Variants in ERBB4 observed in about 807,000 individuals in gnomAD.
ERBB4 encodes receptor tyrosine-protein kinase erbB-4.
A neutral mutation model predicts 158.0 loss-of-function variants in ERBB4; 42 were observed. The observed-to-expected ratio is 0.27, with a 90% confidence interval of 0.21 to 0.34. ERBB4 has a LOEUF of 0.34. ERBB4 is among the 10% of genes least tolerant of loss of function. The pLI is 1.00. For missense variants in ERBB4, 1,333 were observed against 1,624.1 expected, an observed-to-expected ratio of 0.82 and a Z score of 3.08; for synonymous variants, 583 against 558.7, an observed-to-expected ratio of 1.04 and a Z score of -0.61.
intron 1 of ERBB4, among the ~76,000 whole-genome samples, chr2:212,510,070 A>G (rs979322660): frequency 6.6e-6 from 1 of 150,932 alleles, no homozygotes; most frequent in Non-Finnish European, 1.5e-5. Context: ...AAATGTATAC[A>G]CTAACATAAA....
At chr2:211,521,653 T>C (rs1473855566) in intron 20 of ERBB4, among the ~76,000 whole-genome samples, 1 of 152,210 alleles carries the variant, frequency 6.6e-6, no homozygotes, top group Non-Finnish European at 1.5e-5. Flanking sequence ...AGGATTTTTA[T>C]AGCCAGAGAG....
rs79982398 is a variant in ERBB4 at position 211,855,044 on chromosome 2, G to A, written c.422-66885C>T. Among the ~76,000 whole-genome samples, 755 of 151,942 alleles carry A rather than the reference G, an allele frequency of 5.0e-3. 3 individuals are homozygous for A. The highest frequency in any genetic ancestry group is 7.6e-3 in the Non-Finnish European group (516 of 67,934). ...TTCGTTACTTTAAGCCAGTCTGGTG[G>A]GCACATGAGGGTACTACACTCTTAC... On this transcript the variant is annotated intron_variant, in intron 3 of 27. Coordinates refer to ENST00000342788, the MANE Select transcript of ERBB4 (RefSeq NM_005235.3).
chr2:212,002,199 A>C (rs1240435390), intron 2 of ERBB4, among the ~76,000 whole-genome samples: 1 of 152,192 alleles, frequency 6.6e-6, no homozygotes, highest in Non-Finnish European at 1.5e-5. Context: ...TGATATTGGC[A>C]AAGCAAAATA....
chr2:212,530,757 C>CTG (rs1270279194), intron 1 of ERBB4, among the ~76,000 whole-genome samples: 1 of 152,152 alleles, frequency 6.6e-6, no homozygotes, highest in African/African-American at 2.4e-5. Context: ...GGATATCCAC[C>CTG]TATACTAGAA....
chr2:212,459,137 A>G (rs1688448812), intron 1 of ERBB4, among the ~76,000 whole-genome samples: 1 of 152,154 alleles, frequency 6.6e-6, no homozygotes, highest in Non-Finnish European at 1.5e-5. Flanking sequence ...TTTGGGTTTT[A>G]TATATAAGAA....
At chr2:212,021,078 A>G (rs1479421697) in intron 2 of ERBB4, among the ~76,000 whole-genome samples, 1 of 152,136 alleles carries the variant, frequency 6.6e-6, no homozygotes, top group African/African-American at 2.4e-5. Context: ...ATTATATAGC[A>G]CTTTCTTATA....
intron 20 of ERBB4, among the ~76,000 whole-genome samples, chr2:211,443,054 C>A (rs1169216521): frequency 2.0e-5 from 3 of 151,896 alleles, no homozygotes; most frequent in Non-Finnish European, 2.9e-5. Flanking sequence ...TTGATTTCCT[C>A]CTCTCCCTAC....
chr2:211,426,462 CT>C lies in ERBB4; in HGVS notation c.2719+1945del, dbSNP rs2063629747. 2.0e-5 allele frequency among the ~76,000 whole-genome samples: 3 copies of C among 152,196 alleles called. No individual in the cohort carries two copies. The South Asian group carries it at 6.2e-4, about 32-fold the overall frequency. ...ATATATCACAACATTTTTTAAATGC[CT>C]TATGAATATGGGTTGATGACCTGGG... On this transcript the variant is annotated intron_variant, in intron 22 of 27. Coordinates refer to ENST00000342788, the MANE Select transcript of ERBB4 (RefSeq NM_005235.3).
intron 2 of ERBB4, among the ~76,000 whole-genome samples, chr2:212,096,986 G>A (rs563239016): frequency 1.3e-5 from 2 of 152,024 alleles, no homozygotes; most frequent in Non-Finnish European, 2.9e-5. Flanking sequence ...GAAAAAACAT[G>A]GAAAACAATA....
At chr2:211,474,621 T>G (rs1209872210) in intron 20 of ERBB4, among the ~76,000 whole-genome samples, 1 of 152,124 alleles carries the variant, frequency 6.6e-6, no homozygotes, top group African/African-American at 2.4e-5. Context: ...GACAATGTAT[T>G]CAATTTCCAA....
chr2:211,811,770 T>C (rs950241632), intron 3 of ERBB4, among the ~76,000 whole-genome samples: 1 of 152,176 alleles, frequency 6.6e-6, no homozygotes, highest in Non-Finnish European at 1.5e-5. Flanking sequence ...TAATTTGATC[T>C]TCAAACACTG....
chr2:211,578,747 C>G (rs1431424106), intron 19 of ERBB4, among the ~76,000 whole-genome samples: 1 of 152,124 alleles, frequency 6.6e-6, no homozygotes, highest in Admixed American at 6.5e-5. Flanking sequence ...AACTGGCTAG[C>G]CATATGCAGA....
rs765538387 is a variant in ERBB4 at position 211,715,850 on chromosome 2, G to T, written c.884-2202C>A. ...TTGTTTATCAATTACCCAGTCTCAGGTATTTCTTTATAGCAGTGTAAGAAC... is the reference window on the plus strand; with the variant it reads ...TTGTTTATCAATTACCCAGTCTCAGTTATTTCTTTATAGCAGTGTAAGAAC... On this transcript the variant is annotated intron_variant, in intron 7 of 27. Coordinates refer to ENST00000342788, the MANE Select transcript of ERBB4 (RefSeq NM_005235.3). Among the ~76,000 whole-genome samples, 18 of 152,100 alleles carry T rather than the reference G, an allele frequency of 1.2e-4. 1 individual carries two copies. The highest frequency in any genetic ancestry group is 2.2e-4 in the Non-Finnish European group (15 of 68,030).
At chr2:212,195,444 T>A (rs979844732) in intron 1 of ERBB4, among the ~76,000 whole-genome samples, 42 of 151,990 alleles carry the variant, frequency 2.8e-4, no homozygotes, top group African/African-American at 8.7e-4. Flanking sequence ...GTATTATTTT[T>A]AAAACTATTT....
intron 3 of ERBB4, among the ~76,000 whole-genome samples, chr2:211,878,446 T>G (rs1297485664): frequency 6.6e-6 from 1 of 152,176 alleles, no homozygotes; most frequent in African/African-American, 2.4e-5. Context: ...TTTAGCATAG[T>G]GATGAATTTC....
chr2:211,987,939 A>C (rs2081979103), intron 2 of ERBB4, among the ~76,000 whole-genome samples: 1 of 152,174 alleles, frequency 6.6e-6, no homozygotes, highest in Non-Finnish European at 1.5e-5. Flanking sequence ...AAAGTTCAAC[A>C]TTTCTAAGAG....
At chr2:211,690,850 A>T (rs2072787104) in intron 12 of ERBB4, among the ~76,000 whole-genome samples, 1 of 152,214 alleles carries the variant, frequency 6.6e-6, no homozygotes, top group South Asian at 2.1e-4. Context: ...AACTTTAGCA[A>T]TGTAGTTATT....
At chr2:211,559,040 T>C (rs1209638775) in intron 20 of ERBB4, among the ~76,000 whole-genome samples, 2 of 152,170 alleles carry the variant, frequency 1.3e-5, no homozygotes, top group Non-Finnish European at 2.9e-5. Context: ...CTATAAACTT[T>C]TCCAATGTGC....
At chr2:211,826,927 G>C (rs2077111656) in intron 3 of ERBB4, among the ~76,000 whole-genome samples, 1 of 151,930 alleles carries the variant, frequency 6.6e-6, no homozygotes, top group Non-Finnish European at 1.5e-5. Flanking sequence ...TTTTGTAAAG[G>C]ACTTGTTCTT....
Sources: gnomAD v4.1 joint callset for allele counts (sites outside exome capture counted in the v4.1 genomes callset) on GRCh38, gnomAD v4.1.1 for gene constraint, MANE v1.5 for transcripts, NCBI Gene and HGNC (gene_info 2026-07-23, HGNC 2026-07-21) for gene names.